The following DGLUCY variants were observed in gnomAD, a reference collection of about 807,000 sequenced individuals.
DGLUCY encodes D-glutamate cyclase, mitochondrial.
In DGLUCY, 58 loss-of-function variants were observed where a neutral mutation model predicts 58.5. That is an observed-to-expected ratio of 0.99 (90% CI 0.80 to 1.23). The LOEUF (loss-of-function observed/expected upper bound fraction) is 1.23, where lower values mean the gene tolerates loss of function less well. Among genes scored for constraint, DGLUCY ranks in the 50% most tolerant of loss-of-function variants. The pLI is 0.00. For missense variants in DGLUCY, 779 were observed against 784.7 expected, an observed-to-expected ratio of 0.99 and a Z score of 0.09; for synonymous variants, 325 against 314.1, an observed-to-expected ratio of 1.03 and a Z score of -0.37.
chr14:91,190,569 T>A (rs1251108969), intron 9 of DGLUCY, among the ~76,000 whole-genome samples: 1 of 151,788 alleles, frequency 6.6e-6, no homozygotes, highest in Non-Finnish European at 1.5e-5. Flanking sequence ...AGGTTGATGA[T>A]GAGGGCGTGA....
At chr14:91,068,115 A>C (rs796819549) in intron 1 of DGLUCY, among the ~76,000 whole-genome samples, 22 of 140,248 alleles carry the variant, frequency 1.6e-4, no homozygotes, top group African/African-American at 5.3e-4. Flanking sequence ...ACACACACAC[A>C]CCCCTTGCAT....
intron 1 of DGLUCY, among the ~76,000 whole-genome samples, chr14:91,069,799 CTT>C (rs5810528): frequency 0.013 from 1,541 of 120,972 alleles, 26 homozygotes; most frequent in African/African-American, 0.041. Context: ...TGATATGCCT[CTT>C]TTTTTTTTTT....
chr14:91,142,229 C>G (rs986593488), intron 1 of DGLUCY, among the ~76,000 whole-genome samples: 1 of 152,136 alleles, frequency 6.6e-6, no homozygotes, highest in African/African-American at 2.4e-5. Context: ...GACTCTAGAA[C>G]TTGTGGTCTG....
At chr14:91,089,574 C>T (rs2044275833) in intron 1 of DGLUCY, among the ~76,000 whole-genome samples, 1 of 152,128 alleles carries the variant, frequency 6.6e-6, no homozygotes, top group Non-Finnish European at 1.5e-5. Context: ...GTAATCCCAG[C>T]ACTTTGGGAG....
chr14:91,196,832 G>A (rs1337078448), intron 10 of DGLUCY, among the ~76,000 whole-genome samples: 1 of 151,470 alleles, frequency 6.6e-6, no homozygotes, highest in East Asian at 1.9e-4. Flanking sequence ...TTCAGTTAGG[G>A]TATCCAGCAC....
At chr14:91,104,253 G>A (rs917135403), upstream of DGLUCY, among the ~76,000 whole-genome samples, 5 of 151,302 alleles carry the variant, frequency 3.3e-5, no homozygotes, top group Non-Finnish European at 7.4e-5. Flanking sequence ...TAGTAGAGAC[G>A]GGGTTTCACC....
chr14:91,165,930 T>C (rs902509722), intron 3 of DGLUCY, among the ~76,000 whole-genome samples: 1 of 152,166 alleles, frequency 6.6e-6, no homozygotes, highest in African/African-American at 2.4e-5. Context: ...TAACCCCAAA[T>C]TGGAAACTAC....
chr14:91,072,066 C>T (rs2043930637), intron 1 of DGLUCY, among the ~76,000 whole-genome samples: 1 of 151,512 alleles, frequency 6.6e-6, no homozygotes, highest in Non-Finnish European at 1.5e-5. Context: ...CTCATGCCTA[C>T]AATCCCAGCA....
intron 7 of DGLUCY, among the ~76,000 whole-genome samples, chr14:91,180,741 T>G (rs1421885253): frequency 1.3e-5 from 2 of 152,088 alleles, no homozygotes; most frequent in African/African-American, 2.4e-5. Context: ...AAGCAAAATG[T>G]AAGTGCCATA....
chr14:91,071,794 G>A (rs1336210708), intron 1 of DGLUCY, among the ~76,000 whole-genome samples: 1 of 151,844 alleles, frequency 6.6e-6, no homozygotes, highest in Non-Finnish European at 1.5e-5. Flanking sequence ...CTTGAACCCA[G>A]GAGGCAGAGG....
At chr14:91,178,945 A>G (rs1398468102) in intron 7 of DGLUCY, among the ~76,000 whole-genome samples, 1 of 151,410 alleles carries the variant, frequency 6.6e-6, no homozygotes, top group African/African-American at 2.4e-5. Context: ...AATTGCTTGA[A>G]CCCCAGAGGC....
intron 1 of DGLUCY, among the ~76,000 whole-genome samples, chr14:91,148,093 G>C (rs1419855634): frequency 6.6e-6 from 1 of 152,108 alleles, no homozygotes; most frequent in Non-Finnish European, 1.5e-5. Flanking sequence ...AGAATCGCTT[G>C]AACTAAGTAG....
Position 91,204,822 on chromosome 14 carries a change from G to A in DGLUCY, c.1561G>A (p.Ala521Thr). 1 of 1,614,064 alleles carries A rather than the reference G, an allele frequency of 6.2e-7. No individual in the cohort carries two copies. The highest frequency in any genetic ancestry group is 8.5e-7 in the Non-Finnish European group (1 of 1,179,978). The change falls in exon 12 of 14, where the codon GCT (alanine) becomes ACT (threonine). Residue 521 changes from alanine to threonine, a missense_variant. Transcript: ENST00000256324. ...CGTGGAGGCTGACTTTGCCGTCATTGCTGGTGAGCACTCGGATGGCCGCCC... is the reference window on the plus strand; with the variant it reads ...CGTGGAGGCTGACTTTGCCGTCATTACTGGTGAGCACTCGGATGGCCGCCC... ...CDVEADFAVI[A>T]GVSNWGGYAL...
At chr14:91,101,232 A>G (rs1475277220) in intron 1 of DGLUCY, among the ~76,000 whole-genome samples, 2 of 152,206 alleles carry the variant, frequency 1.3e-5, no homozygotes, top group Non-Finnish European at 2.9e-5. Flanking sequence ...AGAAGATTCT[A>G]TAGCTTATTC....
At chr14:91,145,780 T>C (rs1390278669) in intron 1 of DGLUCY, among the ~76,000 whole-genome samples, 1 of 152,186 alleles carries the variant, frequency 6.6e-6, no homozygotes, top group African/African-American at 2.4e-5. Context: ...ATTTTGTAGA[T>C]GGGAAAGCTA....
At chr14:91,176,329 G>A (rs766816868) in intron 7 of DGLUCY, among the ~76,000 whole-genome samples, 5 of 152,082 alleles carry the variant, frequency 3.3e-5, no homozygotes, top group South Asian at 2.1e-4. Context: ...TGGTTCAAGC[G>A]ATTTTTCAGT....
At chr14:91,131,346 T>C (rs1197368795) in intron 1 of DGLUCY, among the ~76,000 whole-genome samples, 1 of 151,868 alleles carries the variant, frequency 6.6e-6, no homozygotes, top group African/African-American at 2.4e-5. Flanking sequence ...ATGTCAAATT[T>C]ATCTTCTCTA....
intron 1 of DGLUCY, among the ~76,000 whole-genome samples, chr14:91,071,472 G>T (rs1481465121): frequency 3.3e-5 from 5 of 151,086 alleles, no homozygotes; most frequent in Admixed American, 2.0e-4. Flanking sequence ...TCAAAATAAA[G>T]AAATCAAGGA....
intron 13 of DGLUCY, among the ~76,000 whole-genome samples, chr14:91,221,117 T>C (rs1887419325): frequency 6.6e-6 from 1 of 152,192 alleles, no homozygotes; most frequent in East Asian, 1.9e-4. Context: ...CTCTGCTCCA[T>C]CTCTGCTCCA....
Sources: allele counts gnomAD v4.1 joint callset (sites outside exome capture counted in the v4.1 genomes callset), GRCh38; gene constraint gnomAD v4.1.1; transcripts MANE v1.5; gene names NCBI Gene and HGNC (gene_info 2026-07-23, HGNC 2026-07-21).